PPP1R9A: variants seen among roughly 807,000 people sequenced by gnomAD.
PPP1R9A encodes neurabin-1.
PPP1R9A carries 59 observed loss-of-function variants against 141.9 expected under a neutral mutation model. The ratio of observed to expected loss-of-function variants is 0.42; its 90% CI spans 0.34 to 0.52. The LOEUF (loss-of-function observed/expected upper bound fraction) is 0.52. Ranked by LOEUF, PPP1R9A falls within the 20% of genes least tolerant of loss-of-function variation. The pLI is 0.10. For synonymous variants in PPP1R9A, 500 were observed against 569.7 expected, an observed-to-expected ratio of 0.88 and a Z score of 1.74; for missense variants, 1,444 against 1,611.9, an observed-to-expected ratio of 0.90 and a Z score of 1.78.
chr7:95,185,118 C>T (rs2463353), intron 5 of PPP1R9A, among the ~76,000 whole-genome samples: 42,601 of 150,770 alleles, frequency 0.28, 7,343 homozygotes, highest in Middle Eastern at 0.43. Context: ...ATACTGTTTT[C>T]CATTGTGGTT....
intron 4 of PPP1R9A, among the ~76,000 whole-genome samples, chr7:95,132,082 GCTTTT>G (rs1824748627): frequency 6.6e-6 from 1 of 152,178 alleles, no homozygotes; most frequent in Non-Finnish European, 1.5e-5. Flanking sequence ...AGTTTCAGAA[GCTTTT>G]TGGTGGAGTC....
At chr7:95,039,451 T>C (rs1400390327) in intron 2 of PPP1R9A, among the ~76,000 whole-genome samples, 2 of 151,082 alleles carry the variant, frequency 1.3e-5, no homozygotes, top group Non-Finnish European at 3.0e-5. Context: ...CCAGCTACTC[T>C]GGAGGCTGAG....
intron 2 of PPP1R9A, among the ~76,000 whole-genome samples, chr7:94,918,107 T>C (rs1792322306): frequency 6.6e-6 from 1 of 152,222 alleles, no homozygotes; most frequent in Admixed American, 6.5e-5. Context: ...ACCTATTTTC[T>C]TTTTGTTCTT....
At chr7:95,230,017 TG>T (rs1273609252) in intron 8 of PPP1R9A, among the ~76,000 whole-genome samples, 1 of 152,154 alleles carries the variant, frequency 6.6e-6, no homozygotes, top group East Asian at 1.9e-4. Context: ...CAAGTACCAG[TG>T]CAGAGCCTGG....
intron 2 of PPP1R9A, among the ~76,000 whole-genome samples, chr7:95,100,638 A>G (rs1171702232): frequency 6.6e-6 from 1 of 152,296 alleles, no homozygotes; most frequent in East Asian, 1.9e-4. Context: ...GATGGATGCC[A>G]CTATAAGCAG....
intron 2 of PPP1R9A, among the ~76,000 whole-genome samples, chr7:95,033,179 T>G (rs1429730514): frequency 4.4e-5 from 6 of 135,354 alleles, no homozygotes; most frequent in Admixed American, 1.5e-4. Context: ...TAATTTTTTT[T>G]TTTTTTTTTT....
intron 19 of PPP1R9A, 123 bp from the exon 20 acceptor site, chr7:95,289,968 C>G: frequency 6.9e-7 from 1 of 1,450,218 alleles, no homozygotes; most frequent in South Asian, 1.5e-5. Context: ...GTAACTAGTT[C>G]TTCCTCTGTT....
intron 2 of PPP1R9A, among the ~76,000 whole-genome samples, chr7:94,976,131 C>A (rs1799419670): frequency 6.6e-6 from 1 of 151,904 alleles, no homozygotes; most frequent in South Asian, 2.1e-4. Context: ...CTGATAAGGG[C>A]TTATGATATA....
rs138728221 is a variant in PPP1R9A at position 95,293,011 on chromosome 7, T to A, written c.*2708T>A. On this transcript the variant is annotated 3_prime_UTR_variant, in exon 20 of 20. Transcript: ENST00000433360. ...ACCTTAAAAACTGCAGTTTTTATTA[T>A]CAGAAAATGAACAAAAAGGGAATAT... The A allele has an allele frequency of 6.6e-6, 1 of 152,316 alleles. No individual in the cohort carries two copies. The highest frequency in any genetic ancestry group is 1.5e-5 in the Non-Finnish European group (1 of 68,038). The allele number at this position is 152,316 out of a possible 1,614,324, so 9.4% of individuals were successfully genotyped here.
chr7:95,207,651 G>T, intron 7 of PPP1R9A, among the ~76,000 whole-genome samples: 1 of 152,012 alleles, frequency 6.6e-6, no homozygotes, highest in East Asian at 1.9e-4. Flanking sequence ...GCAAGTAAAA[G>T]AAATTAAAGA....
intron 8 of PPP1R9A, among the ~76,000 whole-genome samples, chr7:95,246,076 G>C (rs1798078969): frequency 6.6e-6 from 1 of 152,170 alleles, no homozygotes; most frequent in African/African-American, 2.4e-5. Flanking sequence ...AAGGAACTTA[G>C]GAACCCTCAG....
chr7:95,234,922 C>T (rs1341456612), intron 8 of PPP1R9A, among the ~76,000 whole-genome samples: 2 of 152,078 alleles, frequency 1.3e-5, no homozygotes, highest in African/African-American at 2.4e-5. Context: ...GGGGAAAGGA[C>T]ACATTACTAA....
Position 95,044,547 on chromosome 7 carries a change from A to AT in PPP1R9A, c.1396-66695dup, listed in dbSNP as rs113379313. Among the ~76,000 whole-genome samples, 514 of 132,176 alleles carry AT rather than the reference A, an allele frequency of 3.9e-3. 1 individual carries two copies. Among genetic ancestry groups the AT allele is most frequent in the East Asian group, 8.7e-3 (41 of 4,722 alleles). 86.7% of individuals were successfully genotyped at this position (132,176 alleles called of 152,430 possible). ...GATATTATTAACTATTTTTTTCAGG[A>AT]TTTTTTTTTTTTTTTTTGAGACAGT... On this transcript the variant is annotated intron_variant, in intron 2 of 19. Coordinates refer to ENST00000433360, the MANE Select transcript of PPP1R9A (RefSeq NM_001166160.2).
In PPP1R9A at chr7:95,292,171, A is replaced by C. The variant is rs929908398; in HGVS notation, c.*1868A>C. 2 of 152,202 alleles carry C rather than the reference A, an allele frequency of 1.3e-5. No individual in the cohort carries two copies. The highest frequency in any genetic ancestry group is 4.8e-5 in the African/African-American group (2 of 41,440). The allele number at this position is 152,202 out of a possible 1,614,324, so 9.4% of individuals were successfully genotyped here. ...TGTCTTCATTAGGGGTATGATAATG[A>C]AACTGCCGTATTGGATACTCTATTA... On this transcript the variant is annotated 3_prime_UTR_variant, in exon 20 of 20. Coordinates refer to ENST00000433360, the MANE Select transcript of PPP1R9A (RefSeq NM_001166160.2).
intron 2 of PPP1R9A, among the ~76,000 whole-genome samples, chr7:95,090,311 A>G (rs530109515): frequency 4.8e-4 from 73 of 152,064 alleles, no homozygotes; most frequent in African/African-American, 1.7e-3. Context: ...TCATAGTCTC[A>G]TCATTGTAAA....
At chr7:95,195,770 G>A (rs956126087) in intron 5 of PPP1R9A, among the ~76,000 whole-genome samples, 1 of 152,078 alleles carries the variant, frequency 6.6e-6, no homozygotes, top group African/African-American at 2.4e-5. Flanking sequence ...TATATAAAGG[G>A]CCAGGTGCAG....
intron 2 of PPP1R9A, among the ~76,000 whole-genome samples, chr7:94,955,035 A>C (rs370964234): frequency 8.5e-5 from 13 of 152,114 alleles, no homozygotes; most frequent in East Asian, 5.8e-4. Context: ...TTTCTGAATC[A>C]GATAATTCTT....
intron 2 of PPP1R9A, among the ~76,000 whole-genome samples, chr7:95,064,797 T>A (rs1812728410): frequency 3.3e-5 from 5 of 152,206 alleles, no homozygotes; most frequent in Admixed American, 2.6e-4. Flanking sequence ...GTCACTTAAA[T>A]GCTTGCAGAA....
At chr7:95,016,396 G>A (rs1805108837) in intron 2 of PPP1R9A, among the ~76,000 whole-genome samples, 1 of 151,916 alleles carries the variant, frequency 6.6e-6, no homozygotes, top group South Asian at 2.1e-4. Context: ...GCCAAAACCG[G>A]ATAAAAACAT....
Sources: gnomAD v4.1 joint callset for allele counts (sites outside exome capture counted in the v4.1 genomes callset) on GRCh38, gnomAD v4.1.1 for gene constraint, MANE v1.5 for transcripts, NCBI Gene and HGNC (gene_info 2026-07-23, HGNC 2026-07-21) for gene names.